The following ADPRHL1 variants were observed in gnomAD, a reference collection of about 807,000 sequenced individuals.
The protein encoded by ADPRHL1 is ADP-ribosylhydrolase like 1.
A neutral mutation model predicts 44.1 loss-of-function variants in ADPRHL1; 43 were observed. The ratio of observed to expected loss-of-function variants is 0.98; its 90% CI spans 0.76 to 1.26. ADPRHL1 has a LOEUF of 1.26. ADPRHL1 is among the 50% of genes most tolerant of loss of function. ADPRHL1 has a pLI of 0.00. For missense variants in ADPRHL1, 2,022 were observed against 2,496.9 expected, an observed-to-expected ratio of 0.81 and a Z score of 4.05; for synonymous variants, 878 against 1,017.4, an observed-to-expected ratio of 0.86 and a Z score of 2.61.
chr13:113,428,429 GC>G (rs550060372), intron 4 of ADPRHL1, among the ~76,000 whole-genome samples: 1 of 152,090 alleles, frequency 6.6e-6, no homozygotes, highest in Non-Finnish European at 1.5e-5. Flanking sequence ...TCCCCCTGCC[GC>G]CCCCTCCCCT....
At chr13:113,432,825 C>T (rs148093983) in intron 3 of ADPRHL1, among the ~76,000 whole-genome samples, 1 of 152,178 alleles carries the variant, frequency 6.6e-6, no homozygotes, top group Admixed American at 6.5e-5. Flanking sequence ...GTTGGATGTG[C>T]GTGGGACTGG....
intron 7 of ADPRHL1, among the ~76,000 whole-genome samples, chr13:113,411,574 G>A (rs537414188): frequency 1.4e-4 from 22 of 152,374 alleles, no homozygotes; most frequent in Non-Finnish European, 2.9e-4. Context: ...CTCTTCAGCT[G>A]TCACAGCCGG....
rs746353598 is a variant in ADPRHL1 at position 113,424,367 on chromosome 13, G to C, written c.775-18C>G. 6.2e-7 allele frequency: 1 copy of C among 1,612,494 alleles called. No homozygotes were observed. The highest frequency in any genetic ancestry group is 1.7e-5 in the Admixed American group (1 of 59,998). On this transcript the variant is annotated intron_variant, in intron 5 of 7. Transcript: ENST00000612156. ...CTGTAGGTCTGACAAGAGAGCCGTG[G>C]GTCGGGGCGTGTGCCCAAGTGGAGC...
chr13:113,453,119 T>A lies in ADPRHL1; in HGVS notation c.214+105A>T. 7.8e-7 allele frequency: 1 copy of A among 1,277,050 alleles called. No individual in the cohort carries two copies. The highest frequency in any genetic ancestry group is 1.1e-6 in the Non-Finnish European group (1 of 905,372). 79.1% of individuals were successfully genotyped at this position (1,277,050 alleles called of 1,614,324 possible). A position where few individuals can be genotyped will look rare whatever the true frequency, so the allele number is the denominator to read the frequency against. ...AGCGGTATCAGGTAACACCATCCGC[T>A]GAAGGACCGCACTGCCTTCAAAGCT... On this transcript the variant is annotated intron_variant, in intron 1 of 7. Coordinates refer to ENST00000612156, the MANE Select transcript of ADPRHL1 (RefSeq NM_001394807.1). The surrounding 1 kb of genome is among the most constrained non-coding windows in gnomAD (Gnocchi z 5.4).
intron 7 of ADPRHL1, among the ~76,000 whole-genome samples, chr13:113,415,534 C>T (rs571730925): frequency 3.3e-5 from 5 of 152,208 alleles, no homozygotes; most frequent in African/African-American, 9.6e-5. Context: ...AGGCGGATCA[C>T]GAGGTCAGGA....
chr13:113,420,808 G>C (rs1209241552), intron 7 of ADPRHL1, among the ~76,000 whole-genome samples: 1 of 151,882 alleles, frequency 6.6e-6, no homozygotes, highest in Non-Finnish European at 1.5e-5. Flanking sequence ...CATCTCTATG[G>C]AAAAAGCAAA....
At position 113,405,987 on chromosome 13, in the gene ADPRHL1, A is replaced by G; in HGVS notation, c.3295T>C (p.Ser1099Pro). Reference protein sequence around the residue: ...SHDVRENPLSSLNEPPKPGMK... With the variant: ...SHDVRENPLSPLNEPPKPGMK... ...CCTGGTTTGGGTGGTTCATTTAATG[A>G]GGACAGTGGGTTCTCGCGAACATCA... The change falls in exon 8 of 8, where the codon TCA becomes CCA. Residue 1099 changes from serine (S) to proline (P), a missense_variant. By Grantham distance (74) the Ser-to-Pro change is moderately conservative. This residue lies in a region of ADPRHL1 where 1,221 missense variants were observed against 1,517.8 expected (regional missense o/e 0.80). Coordinates refer to ENST00000612156, the MANE Select transcript of ADPRHL1 (RefSeq NM_001394807.1). 1 of 1,232,078 alleles carries G rather than the reference A, an allele frequency of 8.1e-7. No homozygotes were observed. Among genetic ancestry groups the G allele is most frequent in the African/African-American group, 1.5e-5 (1 of 64,550 alleles). 76.3% of individuals were successfully genotyped at this position (1,232,078 alleles called of 1,614,324 possible). A position where few individuals can be genotyped will look rare whatever the true frequency, so the allele number is the denominator to read the frequency against.
Position 113,453,225 on chromosome 13 carries a change from T to C in ADPRHL1, c.213A>G (p.Thr71=). 6.2e-7 allele frequency: 1 copy of C among 1,614,092 alleles called. No homozygotes were observed. The highest frequency in any genetic ancestry group is 8.5e-7 in the Non-Finnish European group (1 of 1,180,022). The stretch of plus-strand genomic sequence containing the variant: ...CGGAGCGCGGTGGGCCCAGCCTACC[T>C]GTGGTGAGGGCCTCGGCGGTTGCGA... ...MHIATAEALT[T]DYWCLDDLYR... is the part of the protein sequence containing the mutation. The change falls in exon 1 of 8, where the codon ACA becomes ACG. Residue 71 remains threonine, a splice_region_variant and synonymous_variant. Coordinates refer to ENST00000612156, the MANE Select transcript of ADPRHL1 (RefSeq NM_001394807.1). The surrounding 1 kb of genome is among the most constrained non-coding windows in gnomAD (Gnocchi z 5.4).
chr13:113,430,379 G>A (rs1207378280), intron 3 of ADPRHL1, among the ~76,000 whole-genome samples: 4 of 152,236 alleles, frequency 2.6e-5, no homozygotes, highest in Non-Finnish European at 4.4e-5. Flanking sequence ...GCTAGCCATC[G>A]TGGGGACTGC....
rs148885969 is a variant in ADPRHL1, at chr13:113,406,283, T to G, written c.2999A>C (p.Lys1000Thr). The change falls in exon 8 of 8, where the codon AAG (lysine) becomes ACG (threonine). Residue 1000 changes from lysine (K) to threonine (T), a missense_variant. Lys to Thr is a moderately conservative substitution (Grantham distance 78, BLOSUM62 -1). Transcript: ENST00000612156. The part of the protein sequence containing the change: ...PESNEISMQK[K>T]GSATNDPAAS... ...TGCAGGATCATTTGTTGCGGAGCCC[T>G]TCTTCTGCATTGATATTTCATTAGA... 20,548 of 1,232,102 alleles carry G rather than the reference T, an allele frequency of 0.017. 208 individuals carry two copies. The highest frequency in any genetic ancestry group is 0.054 in the South Asian group (1,321 of 24,320). The allele number at this position is 1,232,102 out of a possible 1,614,324, so 76.3% of individuals were successfully genotyped here.
At chr13:113,435,470 G>A (rs370894454) in intron 2 of ADPRHL1, among the ~76,000 whole-genome samples, 18 of 93,570 alleles carry the variant, frequency 1.9e-4, no homozygotes, top group East Asian at 7.6e-4. Context: ...GGTGTACCCC[G>A]GGACCCGGCA....
rs531815634 is a variant in ADPRHL1 at position 113,407,961 on chromosome 13, G to A, written c.1321C>T (p.Arg441Trp). The change falls in exon 8 of 8, where the codon CGG (arginine) becomes TGG (tryptophan). Residue 441 changes from arginine (R) to tryptophan (W), a missense_variant. By Grantham distance (101) the Arg-to-Trp change is moderately radical (BLOSUM62 -3). Transcript: ENST00000612156. The stretch of plus-strand genomic sequence containing the variant: ...CTGGTCCTCTTGAGGTAGCGCTCCC[G>A]GCCAGTGCCCAGGAACTTGGCCTGC... ...LLQAKFLGTG[R>W]ERYLKRTREV... The A allele has an allele frequency of 9.7e-5, 120 of 1,232,066 alleles. No individual in the cohort carries two copies. The East Asian group carries it at 3.5e-3, about 36-fold the overall frequency. The allele number at this position is 1,232,066 out of a possible 1,614,324, so 76.3% of individuals were successfully genotyped here. A position where few individuals can be genotyped will look rare whatever the true frequency, so the allele number is the denominator to read the frequency against.
rs1197634060 is a variant in ADPRHL1, at chr13:113,409,876, G to A, written c.1062-1656C>T. Reference sequence around the variant, plus strand: ...TGCACTCCAGCCTGAGCGACAGAGCGAGACTCCGTCTCAAAAAAAAAAAAA... The same window carrying A: ...TGCACTCCAGCCTGAGCGACAGAGCAAGACTCCGTCTCAAAAAAAAAAAAA... On this transcript the variant is annotated intron_variant, in intron 7 of 7. Coordinates refer to ENST00000612156, the MANE Select transcript of ADPRHL1 (RefSeq NM_001394807.1). The surrounding 1 kb of genome is among the most constrained non-coding windows in gnomAD (Gnocchi z 4.2). The A allele has an allele frequency of 1.3e-5, 12 of 918,134 alleles. No individual in the cohort carries two copies. The highest frequency in any genetic ancestry group is 1.2e-4 in the East Asian group (1 of 8,132). 56.9% of individuals were successfully genotyped at this position (918,134 alleles called of 1,614,324 possible). A position where few individuals can be genotyped will look rare whatever the true frequency, so the allele number is the denominator to read the frequency against.
In ADPRHL1 at chr13:113,409,897, A is replaced by G. The variant is rs1196110244; in HGVS notation, c.1062-1677T>C. ...GAGCGAGACTCCGTCTCAAAAAAAAAAAAAAAAAAAAGGAAGAAGCTGAGC... is the reference window on the plus strand; with the variant it reads ...GAGCGAGACTCCGTCTCAAAAAAAAGAAAAAAAAAAAGGAAGAAGCTGAGC... On this transcript the variant is annotated intron_variant, in intron 7 of 7. Coordinates refer to ENST00000612156, the MANE Select transcript of ADPRHL1 (RefSeq NM_001394807.1). This position sits in a 1 kb window ranked among gnomAD's most constrained non-coding sequence, Gnocchi z 4.2. 27 of 981,260 alleles carry G rather than the reference A, an allele frequency of 2.8e-5. No individual in the cohort carries two copies. Among genetic ancestry groups the G allele is most frequent in the Non-Finnish European group, 3.1e-5 (26 of 826,338 alleles). The allele number at this position is 981,260 out of a possible 1,614,324, so 60.8% of individuals were successfully genotyped here.
At chr13:113,412,778 C>T (rs926184617) in intron 7 of ADPRHL1, among the ~76,000 whole-genome samples, 1 of 104,452 alleles carries the variant, frequency 9.6e-6, no homozygotes, top group Admixed American at 9.5e-5. Context: ...AACAGCGCCC[C>T]GCAGAACTCG....
rs1471816796 is a variant in ADPRHL1 at position 113,404,210 on chromosome 13, T to G, written c.5072A>C (p.Gln1691Pro). The G allele has an allele frequency of 8.3e-7, 1 of 1,203,198 alleles. No individual in the cohort carries two copies. The highest frequency in any genetic ancestry group is 1.7e-5 in the African/African-American group (1 of 57,852). The allele number at this position is 1,203,198 out of a possible 1,614,324, so 74.5% of individuals were successfully genotyped here. ...CCGTTCCTGAGCCCCTTTCTGGGCC[T>G]GTTCCCGAGCCCGTTCCTGAGCCCC... ...QKGAQERARE[Q>P]AQKGAQERAR... The change falls in exon 8 of 8, where the codon CAG becomes CCG. Residue 1691 changes from glutamine (Q) to proline (P), a missense_variant. Transcript: ENST00000612156.
chr13:113,413,494 G>T (rs1481103530), intron 7 of ADPRHL1, among the ~76,000 whole-genome samples: 1 of 152,242 alleles, frequency 6.6e-6, no homozygotes, highest in Non-Finnish European at 1.5e-5. Context: ...AGGACTTTCG[G>T]CGACTCCCGC....
intron 1 of ADPRHL1, among the ~76,000 whole-genome samples, chr13:113,446,739 T>C (rs960601097): frequency 1.3e-5 from 2 of 152,010 alleles, no homozygotes; most frequent in African/African-American, 4.8e-5. Context: ...TTGCGCTGTG[T>C]AAACACAGGG....
chr13:113,412,066 G>A (rs543785421), intron 7 of ADPRHL1, among the ~76,000 whole-genome samples: 82 of 152,308 alleles, frequency 5.4e-4, no homozygotes, highest in African/African-American at 1.7e-3. Context: ...GTCTACTCCC[G>A]GCTCAGCATG....
Sources: allele counts gnomAD v4.1 joint callset (sites outside exome capture counted in the v4.1 genomes callset), GRCh38; gene constraint gnomAD v4.1.1; regional missense constraint gnomAD v4.1.1; non-coding constraint Gnocchi (gnomAD v3.1); transcripts MANE v1.5; gene names NCBI Gene and HGNC (gene_info 2026-07-23, HGNC 2026-07-21).